Variants in EP300 observed in about 807,000 individuals in gnomAD.
EP300 encodes the protein EP300 lysine acetyltransferase, also known as histone acetyltransferase p300.
EP300 carries 31 observed loss-of-function variants against 264.0 expected under a neutral mutation model. That is an observed-to-expected ratio of 0.12 (90% CI 0.09 to 0.16). The LOEUF (loss-of-function observed/expected upper bound fraction) is 0.16. Among genes scored for constraint, EP300 ranks in the 10% least tolerant of loss-of-function variants. The pLI is 1.00. For synonymous variants in EP300, 1,340 were observed against 1,045.4 expected (o/e 1.28, Z -5.44); for missense variants, 2,766 against 3,052.9 (o/e 0.91, Z 2.21).
At position 41,117,408 on chromosome 22, in the gene EP300, A is replaced by G. The variant is rs150245975; in HGVS notation, c.316A>G (p.Ser106Gly). Residue 106 changes from serine (S) to glycine (G), a missense_variant, in exon 2 of 31, where the codon AGC (serine) becomes GGC (glycine). Transcript: ENST00000263253. ...TGGTGGCCCAGGTCAAGTCATGGCCAGCCAGGCCCAACAGAGCAGTCCTGG... is the reference window on the plus strand; with the variant it reads ...TGGTGGCCCAGGTCAAGTCATGGCCGGCCAGGCCCAACAGAGCAGTCCTGG... ...GVGGPGQVMASQAQQSSPGLG... is the reference protein window; with the variant it reads ...GVGGPGQVMAGQAQQSSPGLG... 1,196 of 1,614,210 alleles carry G rather than the reference A, an allele frequency of 7.4e-4. No homozygotes were observed. The highest frequency in any genetic ancestry group is 9.8e-4 in the Non-Finnish European group (1,151 of 1,180,038).
At chr22:41,150,393 A>C (rs1186530095) in intron 14 of EP300, among the ~76,000 whole-genome samples, 195 bp downstream of exon 14, 2 of 152,198 alleles carry the variant, frequency 1.3e-5, no homozygotes, top group African/African-American at 4.8e-5. Context: ...GCAGGAGCAT[A>C]AAGATTTTAT....
Position 41,177,900 on chromosome 22 carries a change from T to C in EP300, c.6189T>C (p.Ser2063=), listed in dbSNP as rs2059211930. 2 of 1,613,990 alleles carry C rather than the reference T, an allele frequency of 1.2e-6. No individual in the cohort carries two copies. Among genetic ancestry groups the C allele is most frequent in the African/African-American group, 2.7e-5 (2 of 74,884 alleles). ...NLLRTLRSPS[S]PLQQQQVLSI... is the part of the protein sequence containing the mutation. ...TGCGGACTCTCAGGTCTCCCAGCTC[T>C]CCCCTGCAGCAGCAACAGGTGCTTA... is the stretch of plus-strand genomic sequence containing the variant. The change falls in exon 31 of 31, where the codon TCT becomes TCC. Residue 2063 remains serine, a synonymous_variant. Coordinates refer to ENST00000263253, the MANE Select transcript of EP300 (RefSeq NM_001429.4).
At chr22:41,105,304 G>A (rs905550905) in intron 1 of EP300, among the ~76,000 whole-genome samples, 3 of 150,448 alleles carry the variant, frequency 2.0e-5, no homozygotes, top group Admixed American at 1.3e-4. Flanking sequence ...GGAGGCGGAG[G>A]TTGCCATGAG....
At position 41,178,793 on chromosome 22, in the gene EP300, A is replaced by T. The variant is rs1263635747; in HGVS notation, c.7082A>T (p.Gln2361Leu). ...LVAAQANPME[Q>L]GHFASPDQNS... ...GCTGCCCAGGCCAACCCCATGGAAC[A>T]AGGGCATTTTGCCAGCCCGGACCAG... The change falls in exon 31 of 31, where the codon CAA becomes CTA. Residue 2361 changes from glutamine to leucine, a missense_variant. Transcript: ENST00000263253. 6.2e-7 allele frequency: 1 copy of T among 1,614,190 alleles called. No homozygotes were observed.
intron 29 of EP300, among the ~76,000 whole-genome samples, chr22:41,175,769 C>G (rs965337128): frequency 6.6e-6 from 1 of 152,196 alleles, no homozygotes; most frequent in Non-Finnish European, 1.5e-5. Context: ...TCACCCAGAC[C>G]ATTGTTACTC....
intron 4 of EP300, among the ~76,000 whole-genome samples, chr22:41,128,803 G>A (rs1417607850): frequency 1.3e-5 from 2 of 152,150 alleles, no homozygotes; most frequent in East Asian, 1.9e-4. Context: ...GAGCCACCAC[G>A]CTTGGCCAAT....
At chr22:41,101,122 A>G (rs1351395769) in intron 1 of EP300, among the ~76,000 whole-genome samples, 1 of 152,126 alleles carries the variant, frequency 6.6e-6, no homozygotes, top group Non-Finnish European at 1.5e-5. Flanking sequence ...TTTCCTAGAC[A>G]GGAGTGCAGT....
chr22:41,146,348 G>A (rs1377545310), intron 10 of EP300, among the ~76,000 whole-genome samples: 2 of 152,046 alleles, frequency 1.3e-5, no homozygotes, highest in African/African-American at 2.4e-5. Context: ...TGTATTTTTA[G>A]TAGAGACAGG....
rs1386805021 is a variant in EP300, at chr22:41,092,984, G to A, written c.-21G>A. ...CTGAGGATTCTGGTTTTCCTCGCTT[G>A]TATCTCCGAAAGAATTAAAAATGGC... is the stretch of plus-strand genomic sequence containing the variant. On this transcript the variant is annotated 5_prime_UTR_variant, in exon 1 of 31. Transcript: ENST00000263253. 6.2e-7 allele frequency: 1 copy of A among 1,613,778 alleles called. No homozygotes were observed. Among genetic ancestry groups the A allele is most frequent in the Non-Finnish European group, 8.5e-7 (1 of 1,179,700 alleles).
intron 14 of EP300, 43 bp downstream of exon 14, chr22:41,150,241 C>CTG: frequency 6.5e-7 from 1 of 1,548,018 alleles, no homozygotes; most frequent in Non-Finnish European, 8.7e-7. Flanking sequence ...TAGAGCTATA[C>CTG]TGTAGTATTA....
intron 1 of EP300, among the ~76,000 whole-genome samples, chr22:41,108,353 A>G (rs538560256): frequency 3.3e-5 from 5 of 149,858 alleles, no homozygotes; most frequent in East Asian, 2.0e-4. Context: ...GGCTCAAGCA[A>G]TCCTCCCATC....
intron 1 of EP300, among the ~76,000 whole-genome samples, 200 bp downstream of exon 1, chr22:41,093,298 C>T (rs942363121): frequency 6.6e-6 from 1 of 152,182 alleles, no homozygotes; most frequent in Non-Finnish European, 1.5e-5. Context: ...GATTGCAACA[C>T]TATGTCATAT....
chr22:41,103,884 TC>T (rs1468703312), intron 1 of EP300, among the ~76,000 whole-genome samples: 2 of 152,320 alleles, frequency 1.3e-5, no homozygotes, highest in East Asian at 3.9e-4. Context: ...ATTATTTACC[TC>T]TTTTGAAATG....
intron 1 of EP300, among the ~76,000 whole-genome samples, chr22:41,109,757 GT>G (rs796827159): frequency 2.4e-4 from 34 of 143,826 alleles, no homozygotes; most frequent in East Asian, 6.0e-4. Flanking sequence ...GATGGAGTTG[GT>G]TTTTTTTTTT....
chr22:41,173,269 C>A (rs899430144), intron 28 of EP300, among the ~76,000 whole-genome samples: 11 of 152,096 alleles, frequency 7.2e-5, no homozygotes, highest in African/African-American at 2.7e-4. Context: ...GAAATAAAAC[C>A]AAGGTCTTCT....
chr22:41,136,565 G>A (rs912817716), intron 7 of EP300, among the ~76,000 whole-genome samples: 3 of 152,118 alleles, frequency 2.0e-5, no homozygotes, highest in African/African-American at 7.2e-5. Context: ...TGAGGCTGAG[G>A]TGGGAGGAGC....
At position 41,131,390 on chromosome 22, in the gene EP300, A is replaced by G. The variant is rs571437585; in HGVS notation, c.1285A>G (p.Ile429Val). The G allele has an allele frequency of 2.5e-5, 40 of 1,613,828 alleles. 1 individual carries two copies. The highest frequency in any genetic ancestry group is 2.2e-4 in the South Asian group (20 of 91,064). Residue 429 changes from isoleucine (I) to valine (V), a missense_variant and splice_region_variant, in exon 6 of 31, where the codon ATT becomes GTT. By Grantham distance (29) the Ile-to-Val change is conservative (BLOSUM62 3). Transcript: ENST00000263253. ...ACTATATCTTTTGTCTTCTCTAGCA[A>G]TTTTGACTGGAGCACCCGTTGGACT... Reference protein sequence around the residue: ...NAGDKRNQQPILTGAPVGLGN... With the variant: ...NAGDKRNQQPVLTGAPVGLGN...
intron 2 of EP300, among the ~76,000 whole-genome samples, chr22:41,120,665 CCTTTTA>C (rs1192377736): frequency 6.6e-6 from 1 of 152,088 alleles, no homozygotes; most frequent in African/African-American, 2.4e-5. Context: ...GATCATACTG[CCTTTTA>C]CCCCAATCTT....
chr22:41,158,346 C>G, intron 18 of EP300, 66 bp from the exon 19 acceptor site: 1 of 1,295,058 alleles, frequency 7.7e-7, no homozygotes, highest in Middle Eastern at 1.8e-4. Context: ...TTCTGACTTG[C>G]CATTCTTACT....
Sources: gnomAD v4.1 joint callset for allele counts (sites outside exome capture counted in the v4.1 genomes callset) on GRCh38, gnomAD v4.1.1 for gene constraint, MANE v1.5 for transcripts, NCBI Gene and HGNC (gene_info 2026-07-23, HGNC 2026-07-21) for gene names.